Variants in ST6GAL2 observed in about 807,000 individuals in gnomAD.
ST6GAL2 encodes the protein ST6 beta-galactoside alpha-2,6-sialyltransferase 2.
A neutral mutation model predicts 37.5 loss-of-function variants in ST6GAL2; 24 were observed. The ratio of observed to expected loss-of-function variants is 0.64; its 90% CI spans 0.46 to 0.90. ST6GAL2 has a LOEUF of 0.90. Among genes scored for constraint, ST6GAL2 ranks in the 40% least tolerant of loss-of-function variants. ST6GAL2 has a pLI of 0.00. For synonymous variants in ST6GAL2, 306 were observed against 295.1 expected, an observed-to-expected ratio of 1.04 and a Z score of -0.38; for missense variants, 715 against 712.7, an observed-to-expected ratio of 1.00 and a Z score of -0.04.
chr2:106,873,437 T>A (rs1052098669), intron 1 of ST6GAL2, among the ~76,000 whole-genome samples: 1 of 152,226 alleles, frequency 6.6e-6, no homozygotes, highest in Admixed American at 6.5e-5. Flanking sequence ...AACAAAACAC[T>A]GCTGAGCCCA....
Position 106,806,930 on chromosome 2 carries a change from G to C in ST6GAL2, c.1338C>G (p.Ser446=). 6.2e-7 allele frequency: 1 copy of C among 1,611,996 alleles called. No homozygotes were observed. Among genetic ancestry groups the C allele is most frequent in the Non-Finnish European group, 8.5e-7 (1 of 1,178,350 alleles). The change falls in exon 6 of 6, where the codon TCC becomes TCG. Residue 446 remains serine (S), a synonymous_variant. Transcript: ENST00000409382. ...CATACACGTGCACCTCTCTGCACAT[G>C]GACATCATTATGAGGATTCCTGACA... ...SGFIGILIMM[S]MCREVHVYEY...
At chr2:106,884,918 TATATATATATATATATAC>T (rs1412794984) in intron 1 of ST6GAL2, among the ~76,000 whole-genome samples, 6 of 118,100 alleles carry the variant, frequency 5.1e-5, no homozygotes, top group African/African-American at 7.6e-5. Flanking sequence ...TATATATATA[TATATATATATATATATAC>T]ATACACACAC....
intron 1 of ST6GAL2, among the ~76,000 whole-genome samples, chr2:106,861,213 C>T (rs536813130): frequency 5.3e-4 from 81 of 152,314 alleles, no homozygotes; most frequent in African/African-American, 1.9e-3. Context: ...CCAAGAATCA[C>T]AAAGCCTGAG....
rs774886538 is a variant in ST6GAL2 at position 106,843,990 on chromosome 2, C to A, written c.-13G>T. On this transcript the variant is annotated 5_prime_UTR_variant, in exon 2 of 6. Coordinates refer to ENST00000409382, the MANE Select transcript of ST6GAL2 (RefSeq NM_001142351.2). ...AGTGTGGTTTCATGGCAGGTCTCTGCGGTCAGCACCTTGTGTCTTAATGCA... is the reference window on the plus strand; with the variant it reads ...AGTGTGGTTTCATGGCAGGTCTCTGAGGTCAGCACCTTGTGTCTTAATGCA... The A allele has an allele frequency of 5.8e-6, 9 of 1,549,024 alleles. No homozygotes were observed. The highest frequency in any genetic ancestry group is 1.2e-5 in the South Asian group (1 of 85,146).
rs954980085 is a variant in ST6GAL2 at position 106,882,846 on chromosome 2, A to G, written c.-58+3247T>C. Among the ~76,000 whole-genome samples, 11 of 152,358 alleles carry G rather than the reference A, an allele frequency of 7.2e-5. No individual in the cohort carries two copies. The East Asian group carries it at 1.9e-3, about 27-fold the overall frequency. ...TTCCCTAGACAAGACCACAGAGGGCAGCAGAAGCCAGGATGGCACAGAACA... is the reference window on the plus strand; with the variant it reads ...TTCCCTAGACAAGACCACAGAGGGCGGCAGAAGCCAGGATGGCACAGAACA... On this transcript the variant is annotated intron_variant, in intron 1 of 5. Coordinates refer to ENST00000409382, the MANE Select transcript of ST6GAL2 (RefSeq NM_001142351.2).
intron 2 of ST6GAL2, among the ~76,000 whole-genome samples, chr2:106,836,773 C>CAAAAAAAAAAAAA (rs70956213): frequency 1.4e-4 from 10 of 70,202 alleles, no homozygotes; most frequent in East Asian, 4.4e-4. Flanking sequence ...ACTAAAAATA[C>CAAAAAAAAAAAAA]AAAAAAAAAA....
intron 1 of ST6GAL2, among the ~76,000 whole-genome samples, chr2:106,863,495 A>ACC (rs199946244): frequency 5.9e-5 from 9 of 151,588 alleles, no homozygotes; most frequent in Admixed American, 5.9e-4. Context: ...AGCACAGGTG[A>ACC]CCCCCCCGTC....
chr2:106,829,138 C>G (rs1216456386), intron 5 of ST6GAL2, among the ~76,000 whole-genome samples: 1 of 152,194 alleles, frequency 6.6e-6, no homozygotes, highest in Admixed American at 6.5e-5. Flanking sequence ...GCTATGTGAA[C>G]AGGCATGGGT....
At chr2:106,850,108 G>C (rs1032808919) in intron 1 of ST6GAL2, among the ~76,000 whole-genome samples, 1 of 152,160 alleles carries the variant, frequency 6.6e-6, no homozygotes, top group Non-Finnish European at 1.5e-5. Flanking sequence ...CATCAACACA[G>C]ACATAGCCTC....
intron 5 of ST6GAL2, among the ~76,000 whole-genome samples, chr2:106,810,225 C>T (rs1278905357): frequency 6.6e-6 from 1 of 152,180 alleles, no homozygotes; most frequent in East Asian, 1.9e-4. Flanking sequence ...TAGATTTTGT[C>T]ATAGACTATG....
At chr2:106,881,638 C>T (rs1457619836) in intron 1 of ST6GAL2, among the ~76,000 whole-genome samples, 1 of 152,156 alleles carries the variant, frequency 6.6e-6, no homozygotes, top group African/African-American at 2.4e-5. Context: ...TAATTTAAAG[C>T]TAAGTCATTT....
intron 2 of ST6GAL2, 179 bp from the exon 3 acceptor site, chr2:106,834,325 G>A (rs1676546533): frequency 1.7e-6 from 1 of 577,120 alleles, no homozygotes; most frequent in Non-Finnish European, 3.1e-6. Flanking sequence ...ATCTTGGCTG[G>A]AGGAAACATC....
chr2:106,878,370 G>A (rs1360015647), intron 1 of ST6GAL2, among the ~76,000 whole-genome samples: 1 of 152,000 alleles, frequency 6.6e-6, no homozygotes, highest in African/African-American at 2.4e-5. Context: ...AGGCTGAGTG[G>A]GGAGGATTGT....
intron 1 of ST6GAL2, among the ~76,000 whole-genome samples, chr2:106,869,468 T>C (rs994377015): frequency 4.6e-5 from 7 of 152,030 alleles, no homozygotes; most frequent in Non-Finnish European, 8.8e-5. Context: ...GGATAACTGC[T>C]CCCATCCTAG....
intron 5 of ST6GAL2, chr2:106,813,255 G>C (rs1457278670): frequency 7.1e-5 from 92 of 1,293,618 alleles, no homozygotes; most frequent in Non-Finnish European, 8.8e-5. Context: ...AAGAAAATAA[G>C]TATTAGTATT....
chr2:106,872,159 T>A (rs995908018), intron 1 of ST6GAL2, among the ~76,000 whole-genome samples: 1 of 152,234 alleles, frequency 6.6e-6, no homozygotes. Context: ...GACCCCTGTG[T>A]TATATGTCGT....
intron 5 of ST6GAL2, among the ~76,000 whole-genome samples, chr2:106,808,517 A>T (rs1675499285): frequency 6.6e-6 from 1 of 152,172 alleles, no homozygotes; most frequent in Non-Finnish European, 1.5e-5. Context: ...TCCCTCTACC[A>T]GTTTCCTTCC....
chr2:106,884,934 T>TATATATATATATACACACAC (rs1425070594), intron 1 of ST6GAL2, among the ~76,000 whole-genome samples: 14 of 120,462 alleles, frequency 1.2e-4, no homozygotes, highest in African/African-American at 4.6e-4. Flanking sequence ...TATATATATA[T>TATATATATATATACACACAC]ACATACACAC....
chr2:106,830,021 T>C, intron 5 of ST6GAL2, 45 bp downstream of exon 5: 3 of 1,553,162 alleles, frequency 1.9e-6, no homozygotes, highest in Non-Finnish European at 2.7e-6. Flanking sequence ...TTAGATATCA[T>C]CCTGTCTGCC....
Sources: allele counts gnomAD v4.1 joint callset (sites outside exome capture counted in the v4.1 genomes callset), GRCh38; gene constraint gnomAD v4.1.1; transcripts MANE v1.5; gene names NCBI Gene and HGNC (gene_info 2026-07-23, HGNC 2026-07-21).